The following CNGA1 variants were observed in gnomAD, a reference collection of about 807,000 sequenced individuals.
The protein encoded by CNGA1 is cyclic nucleotide-gated channel alpha-1.
A neutral mutation model predicts 69.7 loss-of-function variants in CNGA1; 53 were observed. The observed-to-expected ratio is 0.76, with a 90% CI of 0.61 to 0.96. The LOEUF (loss-of-function observed/expected upper bound fraction) is 0.96, where lower values mean the gene tolerates loss of function less well. Among genes scored for constraint, CNGA1 ranks in the 40% least tolerant of loss-of-function variants. The pLI, the probability that CNGA1 is intolerant of heterozygous loss-of-function variation, is 0.00. For missense variants in CNGA1, 739 were observed against 811.2 expected, an observed-to-expected ratio of 0.91 and a Z score of 1.08; for synonymous variants, 249 against 283.5, an observed-to-expected ratio of 0.88 and a Z score of 1.22.
chr4:47,985,631 C>A (rs1479251749), intron 2 of CNGA1, among the ~76,000 whole-genome samples: 1 of 152,176 alleles, frequency 6.6e-6, no homozygotes, highest in Non-Finnish European at 1.5e-5. Flanking sequence ...AGCTCTTCCA[C>A]AATGAATCTC....
chr4:47,944,415 T>C (rs927755259), intron 6 of CNGA1, among the ~76,000 whole-genome samples: 1 of 152,174 alleles, frequency 6.6e-6, no homozygotes, highest in African/African-American at 2.4e-5. Context: ...AATTTACTGC[T>C]ATGGGAGTAC....
At chr4:47,974,068 C>CTAGATAGA (rs66992308) in intron 3 of CNGA1, among the ~76,000 whole-genome samples, 1,459 of 138,008 alleles carry the variant, frequency 0.011, 9 homozygotes, top group African/African-American at 0.012. Context: ...AACCTGGTCT[C>CTAGATAGA]TAGATAGATA....
intron 2 of CNGA1, among the ~76,000 whole-genome samples, chr4:48,004,333 T>A (rs928738387): frequency 6.6e-6 from 1 of 152,060 alleles, no homozygotes; most frequent in African/African-American, 2.4e-5. Flanking sequence ...GGTCTCCGCG[T>A]CTTTGTGGTA....
chr4:47,951,491 A>T (rs1489003434), intron 4 of CNGA1, 22 bp from the exon 5 acceptor site: 11 of 1,497,130 alleles, frequency 7.3e-6, no homozygotes, highest in Non-Finnish European at 1.0e-5. Context: ...TAGGAGGCAG[A>T]GAGAGAAGAG....
chr4:47,977,675 AT>A (rs2110211185), intron 3 of CNGA1, among the ~76,000 whole-genome samples: 1 of 152,284 alleles, frequency 6.6e-6, no homozygotes, highest in South Asian at 2.1e-4. Flanking sequence ...ATGAACTCTA[AT>A]GTCTCCAGAA....
intron 2 of CNGA1, among the ~76,000 whole-genome samples, chr4:48,006,677 A>T (rs920609570): frequency 6.6e-6 from 1 of 152,262 alleles, no homozygotes; most frequent in African/African-American, 2.4e-5. Context: ...GCTGGAGTGC[A>T]GTGGCATGAT....
chr4:47,978,897 C>T (rs1436682740), intron 3 of CNGA1, among the ~76,000 whole-genome samples: 1 of 152,120 alleles, frequency 6.6e-6, no homozygotes, highest in African/African-American at 2.4e-5. Context: ...ACCTTTTTAT[C>T]AACTAAAGCT....
Position 47,950,004 on chromosome 4 carries a change from C to G in CNGA1, c.225-109G>C, listed in dbSNP as rs570192727. 4 of 861,436 alleles carry G rather than the reference C, an allele frequency of 4.6e-6. No homozygotes were observed. The African/African-American group carries it at 5.0e-5, about 11-fold the overall frequency. 53.4% of individuals were successfully genotyped at this position (861,436 alleles called of 1,614,324 possible). On this transcript the variant is annotated intron_variant, in intron 5 of 10. Transcript: ENST00000514170. ...AATTCTTCTCCATTTCTACTCATTA[C>G]TAAAGACTATGTAGATGATAGATAT... is the stretch of plus-strand genomic sequence containing the variant.
intron 2 of CNGA1, among the ~76,000 whole-genome samples, chr4:47,981,764 C>T (rs1979973): frequency 0.11 from 17,253 of 152,116 alleles, 1,579 homozygotes; most frequent in East Asian, 0.32. Context: ...CATCTCTCAA[C>T]AAATTTGAAA....
At chr4:47,969,554 C>A (rs1426253641) in intron 3 of CNGA1, among the ~76,000 whole-genome samples, 2 of 152,038 alleles carry the variant, frequency 1.3e-5, no homozygotes, top group Admixed American at 1.3e-4. Flanking sequence ...ACTGCAACCT[C>A]CACCTCCCGG....
intron 2 of CNGA1, among the ~76,000 whole-genome samples, chr4:47,994,318 C>T (rs1246111669): frequency 6.6e-6 from 1 of 152,036 alleles, no homozygotes; most frequent in African/African-American, 2.4e-5. Context: ...TATCTCATTT[C>T]TTAAGTCTAT....
At chr4:47,964,425 A>AT (rs909017159) in intron 3 of CNGA1, among the ~76,000 whole-genome samples, 3 of 151,666 alleles carry the variant, frequency 2.0e-5, no homozygotes, top group South Asian at 2.1e-4. Context: ...TCTACTTGGA[A>AT]TTTTTTTTTA....
intron 3 of CNGA1, among the ~76,000 whole-genome samples, chr4:47,955,207 G>A (rs1275529751): frequency 1.8e-5 from 2 of 110,824 alleles, no homozygotes; most frequent in Non-Finnish European, 3.3e-5. Context: ...TTTTGAGACA[G>A]AGTCTCACTC....
In CNGA1 at chr4:47,937,004, G is replaced by A. The variant is rs754395605; in HGVS notation, c.1478C>T (p.Pro493Leu). 1.2e-6 allele frequency: 2 copies of A among 1,613,996 alleles called. No homozygotes were observed. Among genetic ancestry groups the A allele is most frequent in the Non-Finnish European group, 1.7e-6 (2 of 1,179,972 alleles). Reference sequence around the variant, plus strand: ...ATAATCTCCAGGACTGTAGACTTGGGGTTGCAATTTCAAGACCAACTCCAC... The same window carrying A: ...ATAATCTCCAGGACTGTAGACTTGGAGTTGCAATTTCAAGACCAACTCCAC... ...LLVELVLKLQ[P>L]QVYSPGDYIC... The change falls in exon 11 of 11, where the codon CCC (proline) becomes CTC (leucine). Residue 493 changes from proline to leucine, a missense_variant. Physicochemically the swap from Pro to Leu is moderately conservative, Grantham distance 98. Coordinates refer to ENST00000514170, the MANE Select transcript of CNGA1 (RefSeq NM_001379270.1).
Position 47,952,629 on chromosome 4 carries a change from G to C in CNGA1, c.61C>G (p.Pro21Ala). Residue 21 changes from proline to alanine, a missense_variant, in exon 4 of 11, where the codon CCA becomes GCA. Transcript: ENST00000514170. ...SFVTMPNVIV[P>A]DIEKEIRRME... is the part of the protein sequence containing the mutation. Reference sequence around the variant, plus strand: ...CTTCGTATTTCCTTTTCAATATCTGGTACAATCACATTGGGCATGGTTACA... The same window carrying C: ...CTTCGTATTTCCTTTTCAATATCTGCTACAATCACATTGGGCATGGTTACA... 1 of 1,609,430 alleles carries C rather than the reference G, an allele frequency of 6.2e-7. No homozygotes were observed. Among genetic ancestry groups the C allele is most frequent in the Non-Finnish European group, 8.5e-7 (1 of 1,176,982 alleles).
intron 3 of CNGA1, among the ~76,000 whole-genome samples, chr4:47,980,071 GA>G (rs1741618637): frequency 6.6e-6 from 1 of 152,158 alleles, no homozygotes; most frequent in Non-Finnish European, 1.5e-5. Context: ...TTCTCTAGGG[GA>G]CATAAGGTAC....
chr4:47,996,267 G>A (rs898091631), intron 2 of CNGA1, among the ~76,000 whole-genome samples: 3 of 152,110 alleles, frequency 2.0e-5, no homozygotes, highest in African/African-American at 7.2e-5. Context: ...GCATGATTGG[G>A]GTGGCCTCAG....
intron 3 of CNGA1, among the ~76,000 whole-genome samples, chr4:47,957,564 G>C (rs1740164333): frequency 6.6e-6 from 1 of 152,106 alleles, no homozygotes; most frequent in Admixed American, 6.5e-5. Flanking sequence ...AGGCTGCAGT[G>C]AGCTGTGATT....
chr4:47,976,293 A>G (rs199537753), intron 3 of CNGA1, among the ~76,000 whole-genome samples: 30 of 31,692 alleles, frequency 9.5e-4, no homozygotes, highest in East Asian at 1.8e-3. Flanking sequence ...ATATATATAT[A>G]TACACATACA....
Sources: gnomAD v4.1 joint callset for allele counts (sites outside exome capture counted in the v4.1 genomes callset) on GRCh38, gnomAD v4.1.1 for gene constraint, MANE v1.5 for transcripts, NCBI Gene and HGNC (gene_info 2026-07-23, HGNC 2026-07-21) for gene names.